Variants in CTDSPL observed in about 807,000 individuals in gnomAD.
The protein encoded by CTDSPL is CTD small phosphatase-like protein.
Under a neutral mutation model 30.5 loss-of-function variants are expected in CTDSPL, and 8 were observed. The ratio of observed to expected loss-of-function variants is 0.26; its 90% confidence interval spans 0.15 to 0.47. The LOEUF (loss-of-function observed/expected upper bound fraction) is 0.47. CTDSPL is among the 20% of genes least tolerant of loss of function. The pLI, the probability that CTDSPL is intolerant of heterozygous loss-of-function variation, is 0.99. For missense variants in CTDSPL, 248 were observed against 366.1 expected, an observed-to-expected ratio of 0.68 and a Z score of 2.63; for synonymous variants, 110 against 137.9, an observed-to-expected ratio of 0.80 and a Z score of 1.42.
At chr3:37,959,952 C>G (rs1446788645) in intron 3 of CTDSPL, among the ~76,000 whole-genome samples, 1 of 151,696 alleles carries the variant, frequency 6.6e-6, no homozygotes. Flanking sequence ...ACCTATAACC[C>G]AAGCACTTGG....
At chr3:37,964,714 GATAACA>G (rs774521280) in intron 4 of CTDSPL, 42 bp downstream of exon 4, 2 of 1,443,332 alleles carry the variant, frequency 1.4e-6, no homozygotes, top group South Asian at 2.3e-5. Flanking sequence ...TTTGTGATTT[GATAACA>G]ATTGTATTGG....
At chr3:37,900,316 G>A (rs1381880793) in intron 1 of CTDSPL, among the ~76,000 whole-genome samples, 1 of 152,142 alleles carries the variant, frequency 6.6e-6, no homozygotes, top group Non-Finnish European at 1.5e-5. Flanking sequence ...TATCTAATAC[G>A]AAACATGTAT....
intron 3 of CTDSPL, among the ~76,000 whole-genome samples, chr3:37,962,277 G>C (rs1471844516): frequency 3.9e-5 from 6 of 152,194 alleles, no homozygotes; most frequent in African/African-American, 1.4e-4. Flanking sequence ...CCCATGGGCT[G>C]AAGAATTTGC....
chr3:37,891,820 G>A (rs1198524589), intron 1 of CTDSPL, among the ~76,000 whole-genome samples: 1 of 152,126 alleles, frequency 6.6e-6, no homozygotes, highest in Non-Finnish European at 1.5e-5. Flanking sequence ...GGTCCATAGA[G>A]AATAAGGATG....
At chr3:37,898,283 G>A (rs1202578591) in intron 1 of CTDSPL, among the ~76,000 whole-genome samples, 2 of 152,146 alleles carry the variant, frequency 1.3e-5, no homozygotes, top group Admixed American at 6.5e-5. Context: ...GTACTTCTTC[G>A]TGTTAGCTGG....
At chr3:37,960,505 AATAT>A (rs1379736177) in intron 3 of CTDSPL, among the ~76,000 whole-genome samples, 399 of 38,334 alleles carry the variant, frequency 0.01, 9 homozygotes, top group East Asian at 0.025. Context: ...AAAAAAAAAA[AATAT>A]ATATATATAT....
chr3:37,881,481 A>G (rs575026973), intron 1 of CTDSPL, among the ~76,000 whole-genome samples: 2 of 152,214 alleles, frequency 1.3e-5, no homozygotes, highest in Non-Finnish European at 2.9e-5. Context: ...GTGAGCCAAG[A>G]TCGCGCCACT....
intron 1 of CTDSPL, among the ~76,000 whole-genome samples, chr3:37,945,517 G>A (rs1227943048): frequency 3.4e-4 from 52 of 152,324 alleles, no homozygotes; most frequent in Non-Finnish European, 1.5e-5. Context: ...GTTGGCCCTT[G>A]GTAAACAGTG....
intron 1 of CTDSPL, among the ~76,000 whole-genome samples, chr3:37,895,764 A>G (rs1243677121): frequency 6.6e-6 from 1 of 152,156 alleles, no homozygotes; most frequent in Non-Finnish European, 1.5e-5. Context: ...AATAATCAAA[A>G]CAGTAGTTTC....
intron 1 of CTDSPL, among the ~76,000 whole-genome samples, chr3:37,874,775 C>T (rs951722624): frequency 6.6e-5 from 10 of 152,014 alleles, no homozygotes; most frequent in South Asian, 4.1e-4. Flanking sequence ...GACAGACACA[C>T]GCACACACAC....
chr3:37,955,021 C>G (rs369090556), intron 2 of CTDSPL: 2 of 152,288 alleles, frequency 1.3e-5, no homozygotes, highest in African/African-American at 4.8e-5. Flanking sequence ...TGATCTTGCG[C>G]GTCGTTGACA....
At chr3:37,885,934 T>C (rs1429165995) in intron 1 of CTDSPL, among the ~76,000 whole-genome samples, 1 of 152,132 alleles carries the variant, frequency 6.6e-6, no homozygotes, top group African/African-American at 2.4e-5. Context: ...CAAAAACAAG[T>C]AAACAAAAGA....
At chr3:37,879,587 G>A (rs1453531438) in intron 1 of CTDSPL, among the ~76,000 whole-genome samples, 2 of 152,152 alleles carry the variant, frequency 1.3e-5, no homozygotes, top group African/African-American at 4.8e-5. Flanking sequence ...ACATATACTG[G>A]TTCCTCTTAC....
At chr3:37,878,060 T>C (rs1698158825) in intron 1 of CTDSPL, among the ~76,000 whole-genome samples, 1 of 152,196 alleles carries the variant, frequency 6.6e-6, no homozygotes, top group Admixed American at 6.5e-5. Context: ...GCACAGGGGT[T>C]TCAGTGTCTC....
At chr3:37,888,699 C>G (rs1253010058) in intron 1 of CTDSPL, among the ~76,000 whole-genome samples, 1 of 152,192 alleles carries the variant, frequency 6.6e-6, no homozygotes, top group Non-Finnish European at 1.5e-5. Context: ...CTTTTAGAGA[C>G]CAGAAAGCCA....
At chr3:37,871,129 C>A (rs749599943) in intron 1 of CTDSPL, among the ~76,000 whole-genome samples, 1 of 152,154 alleles carries the variant, frequency 6.6e-6, no homozygotes, top group Non-Finnish European at 1.5e-5. Context: ...CTCCCCTGCC[C>A]AATCCCTGGC....
At chr3:37,911,647 A>G (rs1285429763) in intron 1 of CTDSPL, 1 of 455,824 alleles carries the variant, frequency 2.2e-6, no homozygotes, top group Admixed American at 2.4e-5. Context: ...TGTCTGGTTG[A>G]ACGTTTTAGT....
intron 1 of CTDSPL, among the ~76,000 whole-genome samples, chr3:37,876,166 C>T (rs537264291): frequency 6.6e-6 from 1 of 151,980 alleles, no homozygotes; most frequent in African/African-American, 2.4e-5. Context: ...ATTGCTTGAG[C>T]CTGGGAGGTG....
chr3:37,977,995 G>T (rs979953653), intron 7 of CTDSPL, among the ~76,000 whole-genome samples: 1 of 152,168 alleles, frequency 6.6e-6, no homozygotes, highest in Non-Finnish European at 1.5e-5. Flanking sequence ...CACTTTTAAA[G>T]ATTTAAAATT....
Sources: allele counts gnomAD v4.1 joint callset (sites outside exome capture counted in the v4.1 genomes callset), GRCh38; gene constraint gnomAD v4.1.1; transcripts MANE v1.5; gene names NCBI Gene and HGNC (gene_info 2026-07-23, HGNC 2026-07-21).